LDLRAD4: variants seen among roughly 807,000 people sequenced by gnomAD.
LDLRAD4 encodes the protein low density lipoprotein receptor class A domain containing 4.
A neutral mutation model predicts 17.0 loss-of-function variants in LDLRAD4; 5 were observed. The ratio of observed to expected loss-of-function variants is 0.29; its 90% CI spans 0.15 to 0.62. The LOEUF (loss-of-function observed/expected upper bound fraction) is 0.62, where lower values mean the gene tolerates loss of function less well. Among genes scored for constraint, LDLRAD4 ranks in the 20% least tolerant of loss-of-function variants. The pLI is 0.84. For missense variants in LDLRAD4, 340 were observed against 424.7 expected, an observed-to-expected ratio of 0.80 and a Z score of 1.75; for synonymous variants, 168 against 171.8, an observed-to-expected ratio of 0.98 and a Z score of 0.17.
At chr18:13,236,085 T>G (rs1310005235) in intron 1 of LDLRAD4, among the ~76,000 whole-genome samples, 1 of 152,182 alleles carries the variant, frequency 6.6e-6, no homozygotes. Flanking sequence ...TTGATGTGTG[T>G]CTTTTTAAGC....
intron 1 of LDLRAD4, among the ~76,000 whole-genome samples, chr18:13,244,264 A>C (rs1037520884): frequency 6.7e-6 from 1 of 150,050 alleles, no homozygotes; most frequent in Non-Finnish European, 1.5e-5. Flanking sequence ...TCATTCTTCT[A>C]TCCATCCATC....
At chr18:13,521,202 C>T (rs376494957) in intron 3 of LDLRAD4, 4 of 152,200 alleles carry the variant, frequency 2.6e-5, no homozygotes, top group African/African-American at 9.7e-5. Flanking sequence ...TGATCGCTGG[C>T]ACTCGTGCAG....
chr18:13,502,803 C>T (rs1312904927), intron 3 of LDLRAD4, among the ~76,000 whole-genome samples: 1 of 152,246 alleles, frequency 6.6e-6, no homozygotes, highest in African/African-American at 2.4e-5. Flanking sequence ...TCTCCTGAGC[C>T]ATCCTCAGAG....
At chr18:13,287,296 A>G (rs2045683748) in intron 1 of LDLRAD4, among the ~76,000 whole-genome samples, 1 of 152,236 alleles carries the variant, frequency 6.6e-6, no homozygotes, top group African/African-American at 2.4e-5. Context: ...AATGACATTT[A>G]TTATAGTATA....
At chr18:13,642,076 C>T (rs768282581) in intron 4 of LDLRAD4, 1 of 985,544 alleles carries the variant, frequency 1.0e-6, no homozygotes, top group Non-Finnish European at 1.2e-6. Flanking sequence ...CCTTCCCTCC[C>T]GTCACAGGCG....
intron 3 of LDLRAD4, among the ~76,000 whole-genome samples, chr18:13,502,054 C>A (rs540229954): frequency 6.6e-6 from 1 of 152,182 alleles, no homozygotes; most frequent in African/African-American, 2.4e-5. Context: ...TCTTGTGTAA[C>A]GCTGCAAATT....
At chr18:13,649,138 C>T (rs368422788) in exon 6 of LDLRAD4, 1 of 152,174 alleles carries the variant, frequency 6.6e-6, no homozygotes, top group Non-Finnish European at 1.5e-5. Context: ...CTAATTTTGG[C>T]TCAAACTTAT....
intron 1 of LDLRAD4, among the ~76,000 whole-genome samples, chr18:13,250,741 T>C (rs1329005448): frequency 6.6e-6 from 1 of 152,148 alleles, no homozygotes; most frequent in Non-Finnish European, 1.5e-5. Flanking sequence ...GTAATAAAAG[T>C]CTGTCACAGC....
intron 2 of LDLRAD4, among the ~76,000 whole-genome samples, chr18:13,433,170 C>G (rs1156889026): frequency 6.6e-6 from 1 of 152,184 alleles, no homozygotes; most frequent in Non-Finnish European, 1.5e-5. Flanking sequence ...CCCATTAATT[C>G]TTGGCTTACA....
chr18:13,479,228 TAGATATAA>T (rs1452021197), intron 3 of LDLRAD4, among the ~76,000 whole-genome samples: 1 of 152,200 alleles, frequency 6.6e-6, no homozygotes, highest in African/African-American at 2.4e-5. Flanking sequence ...GGTGATGTTT[TAGATATAA>T]TACAAAAGGC....
At chr18:13,536,123 AG>A (rs1488285508) in intron 3 of LDLRAD4, among the ~76,000 whole-genome samples, 8 of 152,154 alleles carry the variant, frequency 5.3e-5, no homozygotes, top group African/African-American at 1.7e-4. Flanking sequence ...TTTTGGCTTT[AG>A]GTCTTTTCCT....
intron 3 of LDLRAD4, among the ~76,000 whole-genome samples, chr18:13,527,880 AC>A (rs2094058489): frequency 6.6e-6 from 1 of 151,904 alleles, no homozygotes; most frequent in Non-Finnish European, 1.5e-5. Flanking sequence ...CTCCTGCAGC[AC>A]CCCCTGCTTC....
At chr18:13,256,943 ACTGT>A (rs1400911590) in intron 1 of LDLRAD4, among the ~76,000 whole-genome samples, 17 of 152,368 alleles carry the variant, frequency 1.1e-4, no homozygotes, top group African/African-American at 3.8e-4. Flanking sequence ...AGAACTCAGA[ACTGT>A]CTGTTTTCTT....
chr18:13,278,864 C>T (rs2045062668), intron 1 of LDLRAD4, among the ~76,000 whole-genome samples: 1 of 152,304 alleles, frequency 6.6e-6, no homozygotes, highest in African/African-American at 2.4e-5. Flanking sequence ...AATGAAACAA[C>T]TTGATGAGGA....
chr18:13,308,408 G>A (rs1403614491), intron 1 of LDLRAD4, among the ~76,000 whole-genome samples: 3 of 152,196 alleles, frequency 2.0e-5, no homozygotes, highest in Non-Finnish European at 4.4e-5. Context: ...ACATGCACGT[G>A]TACCTTTAGG....
At chr18:13,406,462 G>A (rs1050883626) in intron 2 of LDLRAD4, among the ~76,000 whole-genome samples, 2 of 152,194 alleles carry the variant, frequency 1.3e-5, no homozygotes, top group Admixed American at 1.3e-4. Flanking sequence ...CTGGCATCAT[G>A]CAGAACACCA....
intron 4 of LDLRAD4, chr18:13,642,494 A>G (rs1410964986): frequency 1.6e-6 from 2 of 1,220,276 alleles, no homozygotes; most frequent in African/African-American, 3.1e-5. Flanking sequence ...GTTTTTGAAA[A>G]AGGATGCTAA....
chr18:13,326,060 C>A (rs1704362524), intron 1 of LDLRAD4, among the ~76,000 whole-genome samples: 1 of 152,124 alleles, frequency 6.6e-6, no homozygotes, highest in South Asian at 2.1e-4. Flanking sequence ...AGCCACCACG[C>A]CCGGCTGGCA....
At chr18:13,419,847 C>A (rs2089282890) in intron 2 of LDLRAD4, 1 of 152,210 alleles carries the variant, frequency 6.6e-6, no homozygotes, top group Admixed American at 6.5e-5. Flanking sequence ...CTCACGTGCA[C>A]ATGTTCACAC....
Sources: gnomAD v4.1 joint callset for allele counts (sites outside exome capture counted in the v4.1 genomes callset) on GRCh38, gnomAD v4.1.1 for gene constraint, MANE v1.5 for transcripts, NCBI Gene and HGNC (gene_info 2026-07-23, HGNC 2026-07-21) for gene names.